WNT3: variants seen among roughly 807,000 people sequenced by gnomAD.
WNT3 encodes Wnt family member 3.
A neutral mutation model predicts 34.2 loss-of-function variants in WNT3; 7 were observed. That is an observed-to-expected ratio of 0.20 (90% CI 0.12 to 0.38). The LOEUF is 0.38. Among genes scored for constraint, WNT3 ranks in the 10% least tolerant of loss-of-function variants. The pLI is 1.00. For missense variants in WNT3, 267 were observed against 499.8 expected (o/e 0.53, Z 4.44); for synonymous variants, 212 against 211.5 (o/e 1.00, Z -0.02).
At chr17:46,794,621 C>T (rs111769) in intron 1 of WNT3, among the ~76,000 whole-genome samples, 51,631 of 151,988 alleles carry the variant, frequency 0.34, 9,255 homozygotes, top group Non-Finnish European at 0.42. Flanking sequence ...CCCATTCTCA[C>T]ACCAGTCAAA....
intron 1 of WNT3, among the ~76,000 whole-genome samples, chr17:46,797,322 T>G (rs1363950618): frequency 6.6e-6 from 1 of 152,108 alleles, no homozygotes; most frequent in African/African-American, 2.4e-5. Context: ...AGAGTGGAAG[T>G]GAGGCTGAGA....
At chr17:46,772,995 C>T (rs1187059325) in intron 2 of WNT3, among the ~76,000 whole-genome samples, 1 of 152,146 alleles carries the variant, frequency 6.6e-6, no homozygotes, top group African/African-American at 2.4e-5. Flanking sequence ...AGTCCATGAG[C>T]CCCCAAGTCC....
At chr17:46,766,058 A>AG (rs1331872285) in intron 4 of WNT3, among the ~76,000 whole-genome samples, 1 of 152,154 alleles carries the variant, frequency 6.6e-6, no homozygotes, top group East Asian at 1.9e-4. Flanking sequence ...CATAAGATTG[A>AG]GGAAAAAAAA....
At chr17:46,771,917 C>G (rs1023046920) in intron 2 of WNT3, among the ~76,000 whole-genome samples, 4 of 145,024 alleles carry the variant, frequency 2.8e-5, no homozygotes, top group Admixed American at 2.0e-4. Context: ...CCTGGGGAAG[C>G]GCCTCGGGCC....
intron 1 of WNT3, among the ~76,000 whole-genome samples, chr17:46,811,834 G>A (rs1256443524): frequency 6.6e-6 from 1 of 152,206 alleles, no homozygotes; most frequent in Non-Finnish European, 1.5e-5. Context: ...GTGCGCACCT[G>A]TAATCCCAGC....
intron 1 of WNT3, among the ~76,000 whole-genome samples, chr17:46,786,436 C>A (rs1399660502): frequency 6.6e-6 from 1 of 152,190 alleles, no homozygotes; most frequent in Non-Finnish European, 1.5e-5. Flanking sequence ...GGGCCTAGGC[C>A]CAGAGGGGTG....
intron 1 of WNT3, among the ~76,000 whole-genome samples, chr17:46,794,756 T>TTC (rs976261995): frequency 2.7e-5 from 4 of 148,774 alleles, no homozygotes; most frequent in African/African-American, 1.0e-4. Flanking sequence ...CTTTTTCTTT[T>TTC]TTTTTTTTTT....
intron 1 of WNT3, among the ~76,000 whole-genome samples, chr17:46,783,856 G>A (rs527723393): frequency 2.6e-5 from 4 of 152,340 alleles, no homozygotes; most frequent in Non-Finnish European, 5.9e-5. Flanking sequence ...CTAGAAAGGG[G>A]CCCTGAGTGC....
intron 2 of WNT3, among the ~76,000 whole-genome samples, chr17:46,771,541 A>C (rs1598757001): frequency 6.7e-6 from 1 of 148,600 alleles, no homozygotes; most frequent in African/African-American, 2.4e-5. Context: ...CGGCGCTGAC[A>C]GCCCCGCTGT....
rs114760348 is a variant in WNT3, at chr17:46,807,131, G to C, written c.80+11387C>G. On this transcript the variant is annotated intron_variant, in intron 1 of 4. Coordinates refer to ENST00000225512, the MANE Select transcript of WNT3 (RefSeq NM_030753.5). The stretch of plus-strand genomic sequence containing the variant: ...GGAGAAGATCATGGAGGAAAAAAAA[G>C]AGGCGACTTCTCTGAAGACAAGACC... 3.4e-3 allele frequency among the ~76,000 whole-genome samples: 522 copies of C among 152,332 alleles called. 4 individuals are homozygous for C. The highest frequency in any genetic ancestry group is 0.012 in the African/African-American group (496 of 41,578).
chr17:46,796,092 G>T (rs943343812), intron 1 of WNT3, among the ~76,000 whole-genome samples: 2 of 152,228 alleles, frequency 1.3e-5, no homozygotes, highest in African/African-American at 4.8e-5. Flanking sequence ...ACGCCTGCAG[G>T]CCAGGGCTTT....
At chr17:46,801,225 T>C (rs1423619752) in intron 1 of WNT3, among the ~76,000 whole-genome samples, 2 of 151,868 alleles carry the variant, frequency 1.3e-5, no homozygotes, top group African/African-American at 4.8e-5. Flanking sequence ...CATGTTGGGG[T>C]TGGGAGAGGA....
chr17:46,818,603 G>C lies in WNT3; in HGVS notation c.-6C>G, dbSNP rs767224254. The C allele has an allele frequency of 6.3e-7, 1 of 1,591,168 alleles. No individual in the cohort carries two copies. On this transcript the variant is annotated 5_prime_UTR_variant, in exon 1 of 5. Coordinates refer to ENST00000225512, the MANE Select transcript of WNT3 (RefSeq NM_030753.5). ...CCGAGCAGGTGGGGCTCCATTAGAA[G>C]AGGCGCCGAGGAGGAAGTTTGCCCG...
At chr17:46,794,752 CTT>C (rs5820620) in intron 1 of WNT3, among the ~76,000 whole-genome samples, 1,446 of 129,250 alleles carry the variant, frequency 0.011, 17 homozygotes, top group East Asian at 0.036. Flanking sequence ...CTTTCTTTTT[CTT>C]TTTTTTTTTT....
chr17:46,810,955 T>C (rs1385478079), intron 1 of WNT3, among the ~76,000 whole-genome samples: 1 of 152,048 alleles, frequency 6.6e-6, no homozygotes, highest in East Asian at 1.9e-4. Flanking sequence ...CTCTGGCATC[T>C]CCTTCATTCC....
intron 1 of WNT3, among the ~76,000 whole-genome samples, chr17:46,788,778 C>T (rs2083940857): frequency 6.6e-6 from 1 of 152,108 alleles, no homozygotes; most frequent in Admixed American, 6.5e-5. Context: ...CCTCCTTTCC[C>T]TGCCCTCAGC....
At chr17:46,789,849 G>A (rs146358846) in intron 1 of WNT3, among the ~76,000 whole-genome samples, 24 of 152,206 alleles carry the variant, frequency 1.6e-4, no homozygotes, top group Non-Finnish European at 1.5e-4. Context: ...GAGGCCTCAC[G>A]GGGGATGCTG....
At chr17:46,814,686 C>T (rs1447333832) in intron 1 of WNT3, among the ~76,000 whole-genome samples, 4 of 152,246 alleles carry the variant, frequency 2.6e-5, no homozygotes, top group Admixed American at 1.3e-4. Flanking sequence ...CTGCCTGTTA[C>T]AAGTGTTAAC....
intron 1 of WNT3, among the ~76,000 whole-genome samples, chr17:46,795,175 C>G (rs1034077541): frequency 3.3e-5 from 5 of 152,106 alleles, no homozygotes; most frequent in Non-Finnish European, 7.4e-5. Flanking sequence ...TGTTCCCTAC[C>G]AGGAATGAAT....
Sources: gnomAD v4.1 joint callset for allele counts (sites outside exome capture counted in the v4.1 genomes callset) on GRCh38, gnomAD v4.1.1 for gene constraint, MANE v1.5 for transcripts, NCBI Gene and HGNC (gene_info 2026-07-23, HGNC 2026-07-21) for gene names.